The following NBPF14 variants were observed in gnomAD, a reference collection of about 807,000 sequenced individuals.
NBPF14 encodes NBPF family member NBPF14.
In NBPF14, 104 loss-of-function variants were observed where a neutral mutation model predicts 91.2. The observed-to-expected ratio is 1.14, with a 90% CI of 0.97 to 1.34. The LOEUF (loss-of-function observed/expected upper bound fraction) is 1.34, where lower values mean the gene tolerates loss of function less well. Ranked by LOEUF, NBPF14 falls within the 40% of genes most tolerant of loss-of-function variation. The probability of loss-of-function intolerance (pLI) is 0.00; values close to 1 mark genes in which losing one functional copy is unlikely to be tolerated. For synonymous variants in NBPF14, 294 were observed against 303.8 expected, an observed-to-expected ratio of 0.97 and a Z score of 0.34; for missense variants, 908 against 783.0, an observed-to-expected ratio of 1.16 and a Z score of -1.91.
At chr1:148,592,674 T>C in exon 4 of NBPF14, 3 of 1,588,722 alleles carry the variant, frequency 1.9e-6, no homozygotes, top group East Asian at 2.2e-5. Context: ...GAGATGCTCA[T>C]ACAATGAGCG....
In NBPF14 at chr1:148,539,275, C is replaced by A. The variant is rs1311542736; in HGVS notation, c.7882+135G>T. 18 of 634,984 alleles carry A rather than the reference C, an allele frequency of 2.8e-5. 5 individuals carry two copies. The highest frequency in any genetic ancestry group is 4.2e-5 in the Non-Finnish European group (15 of 360,146). The allele number at this position is 634,984 out of a possible 1,614,324, so 39.3% of individuals were successfully genotyped here. A position where few individuals can be genotyped will look rare whatever the true frequency, so the allele number is the denominator to read the frequency against. ...TCCAACTGAGACTACAGTTTCTTTACAACCTATATGCGCCCATAGGTCCTG... is the reference window on the plus strand; with the variant it reads ...TCCAACTGAGACTACAGTTTCTTTAAAACCTATATGCGCCCATAGGTCCTG... On this transcript the variant is annotated intron_variant, in intron 63 of 70. Transcript: ENST00000619423.
exon 70 of NBPF14, chr1:148,533,955 C>G (rs781847272): frequency 4.2e-6 from 3 of 720,358 alleles, no homozygotes; most frequent in African/African-American, 3.6e-5. Flanking sequence ...TTCCCCTTCC[C>G]CTTCTTTTCA....
chr1:148,587,632 G>A (rs1417911869), intron 7 of NBPF14, among the ~76,000 whole-genome samples: 1 of 143,644 alleles, frequency 7.0e-6, no homozygotes, highest in Non-Finnish European at 1.6e-5. Context: ...CAAGGAAGTT[G>A]ACAAGATGAT....
intron 34 of NBPF14, 50 bp downstream of exon 34, chr1:148,562,186 G>T (rs1484680249): frequency 5.9e-6 from 1 of 170,662 alleles, no homozygotes; most frequent in South Asian, 3.5e-5. Flanking sequence ...CCTGAACCAG[G>T]AGTCTCCAGA....
chr1:148,533,178 T>A (rs1553331212), exon 71 of NBPF14: 3 of 676,388 alleles, frequency 4.4e-6, no homozygotes, highest in South Asian at 4.0e-5. Flanking sequence ...ATTGACGGAG[T>A]CGAATAACAT....
intron 35 of NBPF14, 70 bp downstream of exon 35, chr1:148,561,337 T>G: frequency 4.9e-6 from 1 of 202,698 alleles, no homozygotes; most frequent in Non-Finnish European, 8.2e-6. Context: ...AATGGCCACT[T>G]GGAGCAGGAA....
intron 16 of NBPF14, among the ~76,000 whole-genome samples, 191 bp from the exon 17 acceptor site, chr1:148,576,002 A>C (rs1311056704): frequency 1.0e-4 from 15 of 146,866 alleles, no homozygotes. Flanking sequence ...AGAGAAAGAC[A>C]GGGAGAGGGA....
chr1:148,533,849 G>A lies in NBPF14; in HGVS notation c.8723+12C>T, dbSNP rs1434081265. On this transcript the variant is annotated intron_variant, in intron 70 of 70. Transcript: ENST00000619423. ...AACACAGAACTAAGGATCCACAATTGCTGAAAGTCACCTGGGGCATGGTGG... is the reference window on the plus strand; with the variant it reads ...AACACAGAACTAAGGATCCACAATTACTGAAAGTCACCTGGGGCATGGTGG... 1.3e-6 allele frequency: 1 copy of A among 765,246 alleles called. No homozygotes were observed. The highest frequency in any genetic ancestry group is 1.3e-5 in the South Asian group (1 of 74,498). The allele number at this position is 765,246 out of a possible 1,614,324, so 47.4% of individuals were successfully genotyped here. A position where few individuals can be genotyped will look rare whatever the true frequency, so the allele number is the denominator to read the frequency against.
Position 148,572,525 on chromosome 1 carries a change from T to C in NBPF14, c.2676A>G (p.Glu892=). Residue 892 remains glutamate (E), a synonymous_variant, in exon 21 of 71, where the codon GAA becomes GAG. Coordinates refer to ENST00000619423, the Ensembl canonical transcript of NBPF14. Reference sequence around the variant, plus strand: ...TGTAGGGCTGGCCTAAGTCAGGCAGTTCAAGATAACCTGAAGGAGTCGAAT... The same window carrying C: ...TGTAGGGCTGGCCTAAGTCAGGCAGCTCAAGATAACCTGAAGGAGTCGAAT... 5 of 624,362 alleles carry C rather than the reference T, an allele frequency of 8.0e-6. 1 individual carries two copies. Among genetic ancestry groups the C allele is most frequent in the Non-Finnish European group, 8.5e-6 (3 of 353,382 alleles). The allele number at this position is 624,362 out of a possible 1,614,324, so 38.7% of individuals were successfully genotyped here. A position where few individuals can be genotyped will look rare whatever the true frequency, so the allele number is the denominator to read the frequency against.
intron 47 of NBPF14, among the ~76,000 whole-genome samples, chr1:148,551,745 A>G (rs1656243074): frequency 5.1e-5 from 1 of 19,566 alleles, no homozygotes; most frequent in East Asian, 1.6e-3. Flanking sequence ...TGAGAATAGG[A>G]TCAGGGCACC....
At chr1:148,594,659 G>T in intron 2 of NBPF14, among the ~76,000 whole-genome samples, 1 of 71,874 alleles carries the variant, frequency 1.4e-5, no homozygotes, top group South Asian at 5.7e-4. Flanking sequence ...TCTCACCAAG[G>T]TACTCTCTGC....
At chr1:148,595,041 C>CT (rs1248242744) in intron 2 of NBPF14, among the ~76,000 whole-genome samples, 1 of 137,094 alleles carries the variant, frequency 7.3e-6, no homozygotes, top group Non-Finnish European at 1.6e-5. Context: ...AGCACAGGTT[C>CT]TATTAGGAGC....
intron 40 of NBPF14, among the ~76,000 whole-genome samples, chr1:148,557,284 C>T (rs1656802681): frequency 1.9e-5 from 2 of 105,126 alleles, no homozygotes; most frequent in Non-Finnish European, 3.5e-5. Context: ...AAGTCTGGTC[C>T]ACCTACAGTA....
chr1:148,566,686 T>A (rs1252351318), intron 28 of NBPF14, among the ~76,000 whole-genome samples: 1 of 123,510 alleles, frequency 8.1e-6, no homozygotes, highest in Non-Finnish European at 1.7e-5. Context: ...TAATTTTCCA[T>A]AAAATGTGCT....
intron 12 of NBPF14, among the ~76,000 whole-genome samples, chr1:148,579,926 C>A (rs1465899619): frequency 1.3e-5 from 2 of 152,034 alleles, no homozygotes; most frequent in African/African-American, 4.8e-5. Context: ...GACATCCACC[C>A]CAAAACCCCA....
In NBPF14 at chr1:148,559,959, G is replaced by T. The variant is rs1360947130; in HGVS notation, c.4563C>A (p.Ser1521Arg). ...GCCCTTTCTCATGCAGCAGCTCCCT[G>T]CTGAGCCTGGAAAAGTGGAAAAAAG... The change falls in exon 37 of 71, where the codon AGC (serine) becomes AGA (arginine). Residue 1521 changes from serine (S) to arginine (R), a missense_variant. Ser to Arg is a moderately radical substitution (Grantham distance 110). Around this residue, in one of 13 missense-constraint regions of NBPF14, gnomAD observed 447 missense variants for 189.1 expected, o/e 2.36. Transcript: ENST00000619423. 2.9e-5 allele frequency: 40 copies of T among 1,361,074 alleles called. 1 individual carries two copies. Among genetic ancestry groups the T allele is most frequent in the Admixed American group, 2.3e-4 (13 of 56,330 alleles). 84.3% of individuals were successfully genotyped at this position (1,361,074 alleles called of 1,614,324 possible).
At chr1:148,542,307 A>G (rs1655675569) in intron 59 of NBPF14, among the ~76,000 whole-genome samples, 1 of 44,036 alleles carries the variant, frequency 2.3e-5, no homozygotes, top group Non-Finnish European at 3.3e-5. Context: ...CCCAGGTCCA[A>G]TGTCATGAGA....
chr1:148,584,218 A>G (rs1470217342), intron 11 of NBPF14, among the ~76,000 whole-genome samples: 1 of 152,260 alleles, frequency 6.6e-6, no homozygotes, highest in Non-Finnish European at 1.5e-5. Context: ...CCTGACAGAT[A>G]CTGCCTGTGC....
exon 41 of NBPF14, chr1:148,556,722 T>C (rs1656642659): frequency 1.8e-4 from 24 of 132,354 alleles, no homozygotes; most frequent in Non-Finnish European, 1.2e-5. Context: ...AACATGTTTT[T>C]CCTCCAATGC....
Sources: gnomAD v4.1 joint callset for allele counts (sites outside exome capture counted in the v4.1 genomes callset) on GRCh38, gnomAD v4.1.1 for gene constraint, gnomAD v4.1.1 regional missense constraint, MANE v1.5 for transcripts, NCBI Gene and HGNC (gene_info 2026-07-23, HGNC 2026-07-21) for gene names.